The following LARGE1 variants were observed in gnomAD, a reference collection of about 807,000 sequenced individuals.
LARGE1 encodes LARGE xylosyl- and glucuronyltransferase 1.
A neutral mutation model predicts 87.6 loss-of-function variants in LARGE1; 43 were observed. The observed-to-expected ratio is 0.49, with a 90% CI of 0.38 to 0.63. The LOEUF (loss-of-function observed/expected upper bound fraction) is 0.63, where lower values mean the gene tolerates loss of function less well. LARGE1 is among the 30% of genes least tolerant of loss of function. The pLI is 0.00. For synonymous variants in LARGE1, 434 were observed against 394.6 expected (o/e 1.10, Z -1.18); for missense variants, 802 against 1,000.2 (o/e 0.80, Z 2.67).
At chr22:33,634,368 AG>A (rs1224783791) in intron 3 of LARGE1, among the ~76,000 whole-genome samples, 4 of 152,314 alleles carry the variant, frequency 2.6e-5, no homozygotes, top group Admixed American at 2.0e-4. Context: ...CTGCCGGCCC[AG>A]GGACCATACT....
chr22:33,098,876 TC>T, the LARGE1 span, among the ~76,000 whole-genome samples: 1 of 152,158 alleles, frequency 6.6e-6, no homozygotes, highest in South Asian at 2.1e-4. Context: ...TAAACAAGCT[TC>T]ACACTGTTAG....
At chr22:33,252,263 C>CG (rs1491572203) in intron 11 of LARGE1, among the ~76,000 whole-genome samples, 8 of 91,720 alleles carry the variant, frequency 8.7e-5, no homozygotes, top group African/African-American at 3.4e-4. Flanking sequence ...CCCCCCCCCC[C>CG]GCCATTTTAA....
In LARGE1 at chr22:33,412,699, C is replaced by A. The variant is rs1012232367; in HGVS notation, c.892+19462G>T. 3.3e-5 allele frequency among the ~76,000 whole-genome samples: 5 copies of A among 152,252 alleles called. No individual in the cohort carries two copies. The East Asian group carries it at 9.6e-4, about 29-fold the overall frequency. On this transcript the variant is annotated intron_variant, in intron 7 of 14. Coordinates refer to ENST00000397394, the MANE Select transcript of LARGE1 (RefSeq NM_133642.5). The stretch of plus-strand genomic sequence containing the variant: ...TTTTTGAGATGGAGTCTTGCTGTGT[C>A]GCCCAGGCTGGAGTGCAGTGATGCA...
chr22:33,895,714 G>A (rs2065125430), intron 1 of LARGE1, among the ~76,000 whole-genome samples: 1 of 152,128 alleles, frequency 6.6e-6, no homozygotes, highest in South Asian at 2.1e-4. Context: ...AATCCTTCAG[G>A]GCAAGTTTGC....
chr22:33,094,404 C>T, the LARGE1 span, among the ~76,000 whole-genome samples: 1 of 152,058 alleles, frequency 6.6e-6, no homozygotes, highest in African/African-American at 2.4e-5. Context: ...GCTCCCCTGG[C>T]AATCATGCTC....
In LARGE1 at chr22:33,686,303, C is replaced by A. The variant is rs560527888; in HGVS notation, c.107-35635G>T. ...CCTGGTGTACCCAATCCACTAACAA[C>A]CCCTGGTTCGAACCCCTGTTCAAGA... On this transcript the variant is annotated intron_variant, in intron 2 of 14. Coordinates refer to ENST00000397394, the MANE Select transcript of LARGE1 (RefSeq NM_133642.5). 2.0e-5 allele frequency among the ~76,000 whole-genome samples: 3 copies of A among 151,850 alleles called. No individual in the cohort carries two copies. The South Asian group carries it at 6.2e-4, about 32-fold the overall frequency.
intron 1 of LARGE1, among the ~76,000 whole-genome samples, chr22:33,802,219 C>G (rs34737769): frequency 1.7e-4 from 26 of 152,198 alleles, no homozygotes; most frequent in Non-Finnish European, 3.7e-4. Flanking sequence ...TTTGCCTCCC[C>G]CAACTCACAG....
chr22:33,183,529 C>A (rs182872785), intron 11 of LARGE1, among the ~76,000 whole-genome samples: 17 of 151,690 alleles, frequency 1.1e-4, no homozygotes, highest in Admixed American at 2.0e-4. Flanking sequence ...ATAGTTGTAC[C>A]CCTATATTCA....
At chr22:33,435,896 C>A (rs1342736764) in intron 6 of LARGE1, among the ~76,000 whole-genome samples, 1 of 152,034 alleles carries the variant, frequency 6.6e-6, no homozygotes, top group African/African-American at 2.4e-5. Flanking sequence ...GAGAAAAAAA[C>A]AGAATAATCA....
intron 11 of LARGE1, among the ~76,000 whole-genome samples, chr22:33,258,045 A>G (rs942331708): frequency 6.6e-6 from 1 of 151,940 alleles, no homozygotes; most frequent in Non-Finnish European, 1.5e-5. Flanking sequence ...TATTTTTTTG[A>G]GACTACAGAG....
chr22:33,492,195 G>C (rs2069878807), intron 6 of LARGE1, among the ~76,000 whole-genome samples: 1 of 152,220 alleles, frequency 6.6e-6, no homozygotes, highest in Non-Finnish European at 1.5e-5. Flanking sequence ...GGAGATGCAA[G>C]GGAGGCATGG....
At chr22:33,526,039 T>C (rs528619425) in intron 6 of LARGE1, among the ~76,000 whole-genome samples, 1 of 152,306 alleles carries the variant, frequency 6.6e-6, no homozygotes, top group African/African-American at 2.4e-5. Context: ...CCCAAGTATC[T>C]ATCAACTGAT....
chr22:33,070,652 C>T, the LARGE1 span, among the ~76,000 whole-genome samples: 14 of 152,288 alleles, frequency 9.2e-5, no homozygotes, highest in East Asian at 5.8e-4. Flanking sequence ...GAGAGCATAG[C>T]ACACTAAGTA....
In LARGE1 at chr22:33,730,705, TTTGAGACGGAGTTTTACTC is replaced by T. The variant is rs1193231150; in HGVS notation, c.106+30647_106+30665del. ...TTATTTTTATTATAATTACTTTTTT[TTTGAGACGGAGTTTTACTC>T]TTGTTGCCCAGGATGGAGTGCAATG... On this transcript the variant is annotated intron_variant, in intron 2 of 14. Coordinates refer to ENST00000397394, the MANE Select transcript of LARGE1 (RefSeq NM_133642.5). 6.5e-3 allele frequency among the ~76,000 whole-genome samples: 995 copies of T among 152,256 alleles called. 8 individuals are homozygous for T. Among genetic ancestry groups the T allele is most frequent in the African/African-American group, 0.022 (915 of 41,544 alleles).
chr22:33,500,668 T>C (rs1255369763), intron 6 of LARGE1, among the ~76,000 whole-genome samples: 1 of 152,228 alleles, frequency 6.6e-6, no homozygotes, highest in East Asian at 1.9e-4. Flanking sequence ...TCTAAGTCTT[T>C]GTGTCCTCAT....
At chr22:33,868,494 T>C (rs1459667286) in intron 1 of LARGE1, among the ~76,000 whole-genome samples, 1 of 151,914 alleles carries the variant, frequency 6.6e-6, no homozygotes, top group Non-Finnish European at 1.5e-5. Context: ...TAGGTGATGC[T>C]CCCCACGTGG....
At chr22:33,762,361 C>T (rs1312269236) in intron 1 of LARGE1, among the ~76,000 whole-genome samples, 3 of 152,004 alleles carry the variant, frequency 2.0e-5, no homozygotes, top group African/African-American at 7.3e-5. Flanking sequence ...GATAAAGGTG[C>T]TGACTGCCCT....
the LARGE1 span, among the ~76,000 whole-genome samples, chr22:33,135,325 G>A: frequency 6.6e-6 from 1 of 152,184 alleles, no homozygotes; most frequent in Non-Finnish European, 1.5e-5. Context: ...ATATCCAGGT[G>A]TTGTCCTGCC....
chr22:33,394,491 C>A (rs896619282), intron 7 of LARGE1, among the ~76,000 whole-genome samples: 1 of 152,066 alleles, frequency 6.6e-6, no homozygotes, highest in Non-Finnish European at 1.5e-5. Context: ...ACCCACTGCA[C>A]CCAGCCAGAT....
Sources: gnomAD v4.1 joint callset for allele counts (sites outside exome capture counted in the v4.1 genomes callset) on GRCh38, gnomAD v4.1.1 for gene constraint, MANE v1.5 for transcripts, NCBI Gene and HGNC (gene_info 2026-07-23, HGNC 2026-07-21) for gene names.